The following DTNB variants were observed in gnomAD, a reference collection of about 807,000 sequenced individuals.
DTNB encodes the protein DTN-B.
A neutral mutation model predicts 90.7 loss-of-function variants in DTNB; 63 were observed. The ratio of observed to expected loss-of-function variants is 0.69; its 90% CI spans 0.57 to 0.86. The LOEUF (loss-of-function observed/expected upper bound fraction) is 0.86, where lower values mean the gene tolerates loss of function less well. Among genes scored for constraint, DTNB ranks in the 40% least tolerant of loss-of-function variants. The pLI is 0.00. For missense variants in DTNB, 744 were observed against 807.1 expected, an observed-to-expected ratio of 0.92 and a Z score of 0.95; for synonymous variants, 277 against 286.7, an observed-to-expected ratio of 0.97 and a Z score of 0.34.
intron 14 of DTNB, among the ~76,000 whole-genome samples, chr2:25,431,562 C>A (rs1291154540): frequency 1.3e-5 from 2 of 152,208 alleles, no homozygotes; most frequent in African/African-American, 4.8e-5. Context: ...TACATTTCTG[C>A]TTCTTGCTAT....
chr2:25,380,335 G>C (rs1245428622), intron 19 of DTNB, among the ~76,000 whole-genome samples: 3 of 152,206 alleles, frequency 2.0e-5, no homozygotes, highest in African/African-American at 4.8e-5. Context: ...CTAGCTCATG[G>C]CAGAGAATCA....
intron 8 of DTNB, among the ~76,000 whole-genome samples, chr2:25,576,210 T>C (rs1261358923): frequency 1.3e-5 from 2 of 150,560 alleles, no homozygotes; most frequent in Non-Finnish European, 3.0e-5. Context: ...GGAATCCCCT[T>C]GAACAGTTTT....
At chr2:25,388,394 C>G (rs750449210) in intron 16 of DTNB, 33 bp from the exon 17 acceptor site, 66 of 1,576,204 alleles carry the variant, frequency 4.2e-5, no homozygotes, top group Non-Finnish European at 5.7e-5. Context: ...TACGTTATCT[C>G]AAGTACCTGA....
chr2:25,603,780 CAAG>C (rs2066432526), intron 5 of DTNB, among the ~76,000 whole-genome samples: 1 of 151,988 alleles, frequency 6.6e-6, no homozygotes, highest in Admixed American at 6.6e-5. Flanking sequence ...TTGGAGCAAA[CAAG>C]AAGAACCAAA....
At chr2:25,584,265 G>C (rs914766210) in intron 6 of DTNB, among the ~76,000 whole-genome samples, 3 of 152,196 alleles carry the variant, frequency 2.0e-5, no homozygotes, top group Admixed American at 6.5e-5. Context: ...ATCTAAAAAG[G>C]CTACTAAAAG....
At chr2:25,454,074 C>T (rs576361405) in intron 11 of DTNB, among the ~76,000 whole-genome samples, 45 of 150,566 alleles carry the variant, frequency 3.0e-4, no homozygotes, top group African/African-American at 4.6e-4. Context: ...GGCATGAAGC[C>T]GGGAGGCAGA....
In DTNB at chr2:25,433,912, G is replaced by C; in HGVS notation, c.1341C>G (p.Asn447Lys). ...RQLIAELENK[N>K]REILQEIQRL... ...GGGCTCAGCCTCTGCGTTCTTACCTGTTTTTGTTTTCCAGTTCTGCAATAA... is the reference window on the plus strand; with the variant it reads ...GGGCTCAGCCTCTGCGTTCTTACCTCTTTTTGTTTTCCAGTTCTGCAATAA... The change falls in exon 13 of 21, where the codon AAC (asparagine) becomes AAG (lysine). Residue 447 changes from asparagine to lysine, a missense_variant and splice_region_variant. Asn to Lys is a moderately conservative substitution (Grantham distance 94). Transcript: ENST00000406818. The C allele has an allele frequency of 6.2e-7, 1 of 1,613,492 alleles. No homozygotes were observed. The highest frequency in any genetic ancestry group is 8.5e-7 in the Non-Finnish European group (1 of 1,179,636).
intron 9 of DTNB, among the ~76,000 whole-genome samples, chr2:25,513,672 G>A (rs1182784455): frequency 2.7e-5 from 4 of 148,668 alleles, no homozygotes; most frequent in African/African-American, 5.0e-5. Context: ...GCAGTAACCC[G>A]AGATCACACC....
At chr2:25,552,985 C>T (rs2056623829) in intron 8 of DTNB, among the ~76,000 whole-genome samples, 2 of 150,926 alleles carry the variant, frequency 1.3e-5, no homozygotes, top group East Asian at 1.9e-4. Flanking sequence ...CTCAGCCTCC[C>T]GAGTAGCTGG....
In DTNB at chr2:25,470,201, T is replaced by C. The variant is rs368460276; in HGVS notation, c.1079+12595A>G. ...AGTAGTTCTGTCATGATGGGAGAAA[T>C]CTGTAGGAACCACCAAAGCAGGAGG... On this transcript the variant is annotated intron_variant, in intron 10 of 20. Transcript: ENST00000406818. 1.1e-3 allele frequency among the ~76,000 whole-genome samples: 172 copies of C among 152,136 alleles called. 4 individuals are homozygous for C. In the South Asian group the frequency reaches 0.035, roughly 31 times the overall value.
At chr2:25,454,481 A>G (rs377605388) in intron 11 of DTNB, among the ~76,000 whole-genome samples, 2 of 152,192 alleles carry the variant, frequency 1.3e-5, no homozygotes, top group South Asian at 4.1e-4. Context: ...AGAATCTCAA[A>G]GCATGGCTTT....
chr2:25,427,686 G>A, intron 14 of DTNB, 55 bp from the exon 15 acceptor site: 4 of 1,562,550 alleles, frequency 2.6e-6, no homozygotes, highest in Non-Finnish European at 3.5e-6. Flanking sequence ...TGGATCTAAG[G>A]CCAGGTGAAA....
chr2:25,660,276 A>G (rs755400070), intron 1 of DTNB, among the ~76,000 whole-genome samples: 13 of 152,376 alleles, frequency 8.5e-5, no homozygotes, highest in Non-Finnish European at 1.9e-4. Context: ...AGCATGCTAC[A>G]ACATGGATGA....
chr2:25,423,142 A>T (rs577619725), intron 15 of DTNB, among the ~76,000 whole-genome samples: 1 of 152,164 alleles, frequency 6.6e-6, no homozygotes, highest in Non-Finnish European at 1.5e-5. Context: ...GGTTGCAGGG[A>T]GCCAAGATTG....
At chr2:25,573,705 A>G (rs896166844) in intron 8 of DTNB, among the ~76,000 whole-genome samples, 2 of 152,108 alleles carry the variant, frequency 1.3e-5, no homozygotes, top group African/African-American at 4.8e-5. Flanking sequence ...CATTTACCAA[A>G]TTGGTTACCA....
chr2:25,672,647 G>C (rs887677929), intron 1 of DTNB: 1 of 152,118 alleles, frequency 6.6e-6, no homozygotes, highest in African/African-American at 2.4e-5. Context: ...AAAGTAAATA[G>C]GGCATGCGAC....
rs1188904300 is a variant in DTNB, at chr2:25,541,262, T to C, written c.877-9665A>G. ...GGGAGGCAGAGGTGGGTGGATCACC[T>C]GAGGTCAGGAGTCCAAGACCAGCCT... On this transcript the variant is annotated intron_variant, in intron 8 of 20. Coordinates refer to ENST00000406818, the MANE Select transcript of DTNB (RefSeq NM_021907.5). Among the ~76,000 whole-genome samples the C allele has an allele frequency of 3.3e-5, 5 of 152,024 alleles. No individual in the cohort carries two copies. The South Asian group carries it at 6.2e-4, about 19-fold the overall frequency.
At chr2:25,467,444 G>A (rs1476569413) in intron 10 of DTNB, among the ~76,000 whole-genome samples, 8 of 151,682 alleles carry the variant, frequency 5.3e-5, no homozygotes, top group African/African-American at 1.7e-4. Flanking sequence ...GACTACAGGC[G>A]GGTAACATCA....
intron 2 of DTNB, among the ~76,000 whole-genome samples, chr2:25,652,200 C>G (rs1264628570): frequency 6.6e-6 from 1 of 152,064 alleles, no homozygotes; most frequent in Non-Finnish European, 1.5e-5. Context: ...TAGGTGTTGC[C>G]CTAACACTGA....
Sources: allele counts gnomAD v4.1 joint callset (sites outside exome capture counted in the v4.1 genomes callset), GRCh38; gene constraint gnomAD v4.1.1; transcripts MANE v1.5; gene names NCBI Gene and HGNC (gene_info 2026-07-23, HGNC 2026-07-21).